Variants in ARGLU1 observed in about 807,000 individuals in gnomAD.
The protein encoded by ARGLU1 is arginine and glutamate-rich protein 1.
In ARGLU1, 9 loss-of-function variants were observed where a neutral mutation model predicts 37.6. The observed-to-expected ratio is 0.24, with a 90% CI of 0.14 to 0.42. The LOEUF is 0.42. Among genes scored for constraint, ARGLU1 ranks in the 10% least tolerant of loss-of-function variants. The pLI is 1.00. For missense variants in ARGLU1, 211 were observed against 359.2 expected, an observed-to-expected ratio of 0.59 and a Z score of 3.34; for synonymous variants, 166 against 138.5, an observed-to-expected ratio of 1.20 and a Z score of -1.39.
chr13:106,560,310 T>C (rs1412486372), intron 1 of ARGLU1, among the ~76,000 whole-genome samples: 4 of 152,218 alleles, frequency 2.6e-5, no homozygotes, highest in African/African-American at 9.7e-5. Context: ...TATATTTTTA[T>C]TACCAGAAAA....
rs773955074 is a variant in ARGLU1 at position 106,559,627 on chromosome 13, G to A, written c.378C>T (p.Ile126=). Residue 126 remains isoleucine, a synonymous_variant, in exon 2 of 4, where the codon ATC becomes ATT. Coordinates refer to ENST00000400198, the MANE Select transcript of ARGLU1 (RefSeq NM_018011.4). ...CTACTCTTCGTGCTGTTTCTTCCTC[G>A]ATGAGTTTTTCTTCTATTTCTTGCT... ...IRQQEIEEKL[I]EEETARRVEE... 46 of 1,612,976 alleles carry A rather than the reference G, an allele frequency of 2.9e-5. No individual in the cohort carries two copies. The highest frequency in any genetic ancestry group is 3.6e-5 in the Non-Finnish European group (42 of 1,179,678).
chr13:106,545,228 C>CTT lies in ARGLU1; in HGVS notation c.658-1069_658-1068insAA, dbSNP rs149619126. 9.2e-4 allele frequency among the ~76,000 whole-genome samples: 140 copies of CTT among 152,298 alleles called. 1 individual carries two copies. The highest frequency in any genetic ancestry group is 3.2e-3 in the African/African-American group (132 of 41,580). ...CTCCCACAACAAAGAATGATCCAATCAGTGCCAAAATTGAGAAAGCCTGCT... is the reference window on the plus strand; with the variant it reads ...CTCCCACAACAAAGAATGATCCAATCTTAGTGCCAAAATTGAGAAAGCCTGCT... On this transcript the variant is annotated intron_variant, in intron 3 of 3. Transcript: ENST00000400198.
intron 2 of ARGLU1, chr13:106,559,221 AAT>A (rs1374023512): frequency 6.6e-7 from 1 of 1,516,766 alleles, no homozygotes; most frequent in Non-Finnish European, 8.8e-7. Flanking sequence ...AGTATCCTTG[AAT>A]ATGTTTTATA....
At chr13:106,566,639 T>C in intron 1 of ARGLU1, among the ~76,000 whole-genome samples, 1 of 152,218 alleles carries the variant, frequency 6.6e-6, no homozygotes, top group Non-Finnish European at 1.5e-5. Context: ...ATTCCTTTAG[T>C]TTGGGATTAT....
At chr13:106,553,167 G>A (rs1039025996) in intron 3 of ARGLU1, among the ~76,000 whole-genome samples, 1 of 152,162 alleles carries the variant, frequency 6.6e-6, no homozygotes, top group Non-Finnish European at 1.5e-5. Context: ...AAAGTTACAC[G>A]TAAGACTACC....
intron 3 of ARGLU1, among the ~76,000 whole-genome samples, chr13:106,544,959 T>A (rs556437671): frequency 5.9e-5 from 9 of 152,336 alleles, no homozygotes; most frequent in African/African-American, 2.2e-4. Context: ...GCAACTTCTT[T>A]CCCGCATTCT....
intron 1 of ARGLU1, among the ~76,000 whole-genome samples, chr13:106,562,180 A>T (rs779747694): frequency 1.3e-5 from 2 of 152,234 alleles, no homozygotes; most frequent in Non-Finnish European, 2.9e-5. Flanking sequence ...TGCAAGTGTT[A>T]GCAAGAATAT....
rs534911262 is a variant in ARGLU1, at chr13:106,568,116, G to A, written c.-197C>T. 2.8e-5 allele frequency: 23 copies of A among 816,110 alleles called. No individual in the cohort carries two copies. The highest frequency in any genetic ancestry group is 2.7e-4 in the Admixed American group (7 of 26,142). 50.6% of individuals were successfully genotyped at this position (816,110 alleles called of 1,614,324 possible). ...TCCAACGAGAAACCCGTAGCGCCAG[G>A]CGCCCCTAAGATGGCAGCTGCGGCT... On this transcript the variant is annotated 5_prime_UTR_variant, in exon 1 of 4. Transcript: ENST00000400198.
Position 106,543,938 on chromosome 13 carries a change from T to C in ARGLU1, c.*58A>G. 1 of 1,495,032 alleles carries C rather than the reference T, an allele frequency of 6.7e-7. No individual in the cohort carries two copies. The highest frequency in any genetic ancestry group is 8.9e-7 in the Non-Finnish European group (1 of 1,119,632). The allele number at this position is 1,495,032 out of a possible 1,614,324, so 92.6% of individuals were successfully genotyped here. A position where few individuals can be genotyped will look rare whatever the true frequency, so the allele number is the denominator to read the frequency against. ...ACAAAAACAAAAAACCACTTCAACA[T>C]GAAGCTACCATACAAAGTTTTTCCA... On this transcript the variant is annotated 3_prime_UTR_variant, in exon 4 of 4. Coordinates refer to ENST00000400198, the MANE Select transcript of ARGLU1 (RefSeq NM_018011.4).
intron 1 of ARGLU1, among the ~76,000 whole-genome samples, chr13:106,563,011 A>C (rs1351851757): frequency 6.2e-4 from 37 of 59,874 alleles, no homozygotes; most frequent in African/African-American, 2.5e-3. Context: ...AAAAAAAACA[A>C]AAAAAAAAAC....
chr13:106,549,149 A>G (rs180908483), intron 3 of ARGLU1, among the ~76,000 whole-genome samples: 1 of 152,232 alleles, frequency 6.6e-6, no homozygotes, highest in East Asian at 1.9e-4. Flanking sequence ...TAATCAAGGT[A>G]GTTCTTAGCA....
intron 3 of ARGLU1, among the ~76,000 whole-genome samples, chr13:106,547,459 C>A (rs922505763): frequency 3.9e-5 from 6 of 151,914 alleles, no homozygotes; most frequent in South Asian, 2.1e-4. Flanking sequence ...GTGAAAAAAA[C>A]CCAAATATCC....
chr13:106,551,056 C>T (rs1243554454), intron 3 of ARGLU1, among the ~76,000 whole-genome samples: 7 of 152,196 alleles, frequency 4.6e-5, no homozygotes, highest in South Asian at 2.1e-4. Context: ...TGAGATAGTA[C>T]GGGAACCTAT....
Position 106,557,259 on chromosome 13 carries a change from T to C in ARGLU1, c.574-128A>G, listed in dbSNP as rs1880685444. 1.2e-6 allele frequency: 1 copy of C among 830,090 alleles called. No homozygotes were observed. Among genetic ancestry groups the C allele is most frequent in the African/African-American group, 1.7e-5 (1 of 57,962 alleles). The allele number at this position is 830,090 out of a possible 1,614,324, so 51.4% of individuals were successfully genotyped here. ...GGTAGCTTTATAGCTACCTTCTGTC[T>C]GACAAATGATAAACTGTGCAGTCAC... is the stretch of plus-strand genomic sequence containing the variant. On this transcript the variant is annotated intron_variant, in intron 2 of 3. Transcript: ENST00000400198. The surrounding 1 kb of genome is among the most constrained non-coding windows in gnomAD (Gnocchi z 5.0).
At chr13:106,554,045 A>T (rs1880598821) in intron 3 of ARGLU1, among the ~76,000 whole-genome samples, 1 of 151,938 alleles carries the variant, frequency 6.6e-6, no homozygotes. Flanking sequence ...TAGAATTTCC[A>T]CCTACCCATC....
intron 1 of ARGLU1, among the ~76,000 whole-genome samples, chr13:106,563,912 A>G (rs1043922225): frequency 6.6e-6 from 1 of 152,246 alleles, no homozygotes; most frequent in African/African-American, 2.4e-5. Flanking sequence ...ATCACAGGCT[A>G]GAGTAAGTTA....
chr13:106,546,393 T>C (rs557552157), intron 3 of ARGLU1, among the ~76,000 whole-genome samples: 37 of 152,324 alleles, frequency 2.4e-4, no homozygotes, highest in African/African-American at 7.9e-4. Context: ...TCTTCTAAAT[T>C]CTCCTTTCTA....
At chr13:106,561,424 TACACACACACACACACAC>T (rs59373729) in intron 1 of ARGLU1, among the ~76,000 whole-genome samples, 37 of 147,858 alleles carry the variant, frequency 2.5e-4, no homozygotes, top group Non-Finnish European at 1.6e-4. Context: ...TAATAAAGTG[TACACACACACACACACAC>T]ACACACACAC....
At chr13:106,544,306 A>C (rs1880337177) in intron 3 of ARGLU1, 146 bp from the exon 4 acceptor site, 2 of 572,040 alleles carry the variant, frequency 3.5e-6, no homozygotes, top group Non-Finnish European at 5.5e-6. Flanking sequence ...ACTTCCTATG[A>C]ATTACATGCC....
Sources: allele counts gnomAD v4.1 joint callset (sites outside exome capture counted in the v4.1 genomes callset), GRCh38; gene constraint gnomAD v4.1.1; non-coding constraint Gnocchi (gnomAD v3.1); transcripts MANE v1.5; gene names NCBI Gene and HGNC (gene_info 2026-07-23, HGNC 2026-07-21).